SHROOM3: variants seen among roughly 807,000 people sequenced by gnomAD.
SHROOM3 encodes shroom family member 3, also known as protein Shroom3.
Under a neutral mutation model 138.6 loss-of-function variants are expected in SHROOM3, and 47 were observed. The ratio of observed to expected loss-of-function variants is 0.34; its 90% CI spans 0.27 to 0.43. The LOEUF is 0.43. SHROOM3 is among the 20% of genes least tolerant of loss of function. The pLI, the probability that SHROOM3 is intolerant of heterozygous loss-of-function variation, is 1.00. For synonymous variants in SHROOM3, 1,062 were observed against 1,063.3 expected, an observed-to-expected ratio of 1.00 and a Z score of 0.02; for missense variants, 2,491 against 2,596.5, an observed-to-expected ratio of 0.96 and a Z score of 0.88.
At chr4:76,668,135 T>A (rs907694353) in intron 2 of SHROOM3, among the ~76,000 whole-genome samples, 19 of 151,914 alleles carry the variant, frequency 1.3e-4, no homozygotes, top group African/African-American at 4.4e-4. Context: ...ACCTCTTCTG[T>A]GAAGCGGCAG....
intron 2 of SHROOM3, among the ~76,000 whole-genome samples, chr4:76,677,272 T>A (rs917052688): frequency 6.6e-6 from 1 of 152,138 alleles, no homozygotes; most frequent in African/African-American, 2.4e-5. Context: ...GTCCTCTTAT[T>A]AAAATAGTTT....
At chr4:76,470,788 T>G (rs1288569262) in intron 1 of SHROOM3, among the ~76,000 whole-genome samples, 1 of 152,180 alleles carries the variant, frequency 6.6e-6, no homozygotes, top group African/African-American at 2.4e-5. Flanking sequence ...ATTATTTTGT[T>G]AGAGTATTAC....
At chr4:76,680,032 T>C (rs551044327) in intron 2 of SHROOM3, among the ~76,000 whole-genome samples, 1 of 152,330 alleles carries the variant, frequency 6.6e-6, no homozygotes, top group East Asian at 1.9e-4. Flanking sequence ...ACATCAACCC[T>C]GTTGAGAGCT....
At chr4:76,608,736 CATAGCAT>C (rs1560563527) in intron 2 of SHROOM3, among the ~76,000 whole-genome samples, 6 of 146,298 alleles carry the variant, frequency 4.1e-5, no homozygotes, top group African/African-American at 1.0e-4. Flanking sequence ...CACAGCATAG[CATAGCAT>C]AGCACAGTGT....
At chr4:76,560,679 T>C (rs147180725) in intron 2 of SHROOM3, among the ~76,000 whole-genome samples, 1 of 152,244 alleles carries the variant, frequency 6.6e-6, no homozygotes, top group Non-Finnish European at 1.5e-5. Flanking sequence ...GTGTTTTTAC[T>C]TGTAGTTGGC....
chr4:76,454,585 G>C (rs1007548168), intron 1 of SHROOM3, among the ~76,000 whole-genome samples: 1 of 152,120 alleles, frequency 6.6e-6, no homozygotes, highest in African/African-American at 2.4e-5. Context: ...AGTAAATTTT[G>C]AAACAAGGAA....
chr4:76,623,605 G>T (rs541259578), intron 2 of SHROOM3, among the ~76,000 whole-genome samples: 1 of 152,302 alleles, frequency 6.6e-6, no homozygotes, highest in Admixed American at 6.5e-5. Context: ...TTTCTTTGAA[G>T]AAAGATGACA....
chr4:76,663,338 A>G (rs986110157), intron 2 of SHROOM3, among the ~76,000 whole-genome samples: 41 of 152,144 alleles, frequency 2.7e-4, no homozygotes, highest in African/African-American at 9.6e-4. Flanking sequence ...GGGACCCTGC[A>G]TATCTCCCTA....
At chr4:76,661,364 G>A (rs1009943470) in intron 2 of SHROOM3, among the ~76,000 whole-genome samples, 1 of 152,064 alleles carries the variant, frequency 6.6e-6, no homozygotes, top group African/African-American at 2.4e-5. Context: ...CAAGTAGCTG[G>A]GAATACAAGC....
At chr4:76,568,467 A>T (rs920893906) in intron 2 of SHROOM3, among the ~76,000 whole-genome samples, 2 of 152,170 alleles carry the variant, frequency 1.3e-5, no homozygotes, top group African/African-American at 4.8e-5. Flanking sequence ...AATATGGTCA[A>T]TAGTTTCATC....
At chr4:76,697,771 T>C (rs550953084) in intron 2 of SHROOM3, among the ~76,000 whole-genome samples, 1 of 152,342 alleles carries the variant, frequency 6.6e-6, no homozygotes, top group African/African-American at 2.4e-5. Context: ...GTTTTGAGAA[T>C]GTCATGCTAA....
At chr4:76,575,465 C>T (rs1175993503) in intron 2 of SHROOM3, 1 of 152,044 alleles carries the variant, frequency 6.6e-6, no homozygotes, top group African/African-American at 2.4e-5. Flanking sequence ...AAAGACTCCA[C>T]CAAAAAAACT....
chr4:76,584,161 A>T (rs1257732188), intron 2 of SHROOM3, among the ~76,000 whole-genome samples: 1 of 152,066 alleles, frequency 6.6e-6, no homozygotes, highest in Admixed American at 6.6e-5. Flanking sequence ...CTAAAAAAAA[A>T]TAAAAAATTA....
chr4:76,613,121 T>C (rs1005033060), intron 2 of SHROOM3, among the ~76,000 whole-genome samples: 6 of 152,208 alleles, frequency 3.9e-5, no homozygotes, highest in Admixed American at 2.0e-4. Context: ...AACGAGTTGG[T>C]GGGGGCATTG....
intron 1 of SHROOM3, among the ~76,000 whole-genome samples, chr4:76,489,712 T>C (rs1054091392): frequency 6.6e-6 from 1 of 152,118 alleles, no homozygotes; most frequent in African/African-American, 2.4e-5. Flanking sequence ...CCAAGAATGG[T>C]GCTACACTTG....
chr4:76,617,998 A>C (rs1032848049), intron 2 of SHROOM3, among the ~76,000 whole-genome samples: 8 of 152,360 alleles, frequency 5.3e-5, no homozygotes, highest in Non-Finnish European at 1.0e-4. Flanking sequence ...TGAAAAGTTG[A>C]ACATCATGAA....
intron 1 of SHROOM3, among the ~76,000 whole-genome samples, chr4:76,489,815 A>G (rs1731812206): frequency 6.6e-6 from 1 of 152,218 alleles, no homozygotes; most frequent in East Asian, 1.9e-4. Context: ...TGTCACCGGT[A>G]TGATGGTCGT....
intron 2 of SHROOM3, among the ~76,000 whole-genome samples, chr4:76,684,783 A>G (rs1719291593): frequency 6.6e-6 from 1 of 152,236 alleles, no homozygotes; most frequent in African/African-American, 2.4e-5. Context: ...AGACTGTGAT[A>G]GAGATGTTAA....
chr4:76,779,106 A>T lies in SHROOM3; in HGVS notation c.5920A>T (p.Thr1974Ser), dbSNP rs1400151176. The T allele has an allele frequency of 6.2e-7, 1 of 1,613,990 alleles. No homozygotes were observed. Among genetic ancestry groups the T allele is most frequent in the East Asian group, 2.2e-5 (1 of 44,874 alleles). ...AGALALPPNLTSEPIPAGGCT... is the reference protein window; with the variant it reads ...AGALALPPNLSSEPIPAGGCT... ...GGCCCTGGCTCTGCCCCCAAACCTCACGAGTGAGCCCATTCCTGCTGGGGG... is the reference window on the plus strand; with the variant it reads ...GGCCCTGGCTCTGCCCCCAAACCTCTCGAGTGAGCCCATTCCTGCTGGGGG... Residue 1974 changes from threonine (T) to serine (S), a missense_variant, in exon 11 of 11, where the codon ACG (threonine) becomes TCG (serine). Around this residue, in one of 4 missense-constraint regions of SHROOM3, gnomAD observed 470 missense variants for 595.0 expected, o/e 0.79. Coordinates refer to ENST00000296043, the MANE Select transcript of SHROOM3 (RefSeq NM_020859.4).
Sources: allele counts gnomAD v4.1 joint callset (sites outside exome capture counted in the v4.1 genomes callset), GRCh38; gene constraint gnomAD v4.1.1; regional missense constraint gnomAD v4.1.1; transcripts MANE v1.5; gene names NCBI Gene and HGNC (gene_info 2026-07-23, HGNC 2026-07-21).